The following UPK1A variants were observed in gnomAD, a reference collection of about 807,000 sequenced individuals.
The protein encoded by UPK1A is uroplakin 1A.
Under a neutral mutation model 32.3 loss-of-function variants are expected in UPK1A, and 31 were observed. That is an observed-to-expected ratio of 0.96 (90% CI 0.72 to 1.30). The LOEUF (loss-of-function observed/expected upper bound fraction) is 1.30, where lower values mean the gene tolerates loss of function less well. UPK1A is among the 50% of genes most tolerant of loss of function. The pLI, the probability that UPK1A is intolerant of heterozygous loss-of-function variation, is 0.00. For synonymous variants in UPK1A, 135 were observed against 137.1 expected (o/e 0.98, Z 0.11); for missense variants, 340 against 357.4 (o/e 0.95, Z 0.39).
exon 3 of UPK1A, chr19:35,668,602 C>A: frequency 6.2e-7 from 1 of 1,614,038 alleles, no homozygotes; most frequent in Non-Finnish European, 8.5e-7. Context: ...TTCATGGTAG[C>A]CAGTTTTGGT....
chr19:35,673,396 C>T (rs968720645), intron 4 of UPK1A, 42 bp from the exon 5 acceptor site: 18 of 1,611,328 alleles, frequency 1.1e-5, no homozygotes, highest in South Asian at 2.2e-5. Context: ...CCTCTCTCCC[C>T]ACCCAGCCCT....
chr19:35,668,569 C>T lies in UPK1A; in HGVS notation c.200C>T (p.Ala67Val), dbSNP rs777773643. 3 of 1,614,018 alleles carry T rather than the reference C, an allele frequency of 1.9e-6. No individual in the cohort carries two copies. In the African/African-American group the frequency reaches 4.0e-5, roughly 22 times the overall value. Residue 67 changes from alanine to valine, a missense_variant, in exon 3 of 8, where the codon GCC (alanine) becomes GTC (valine). Coordinates refer to ENST00000617999, the Ensembl canonical transcript of UPK1A. ...GACGTCTTCGCTGGTGCCTGGATTG[C>T]CATCTTCTGCGGCTTCTCCTTCTTC...
chr19:35,668,898 G>A (rs992436968), intron 3 of UPK1A, among the ~76,000 whole-genome samples: 1 of 147,852 alleles, frequency 6.8e-6, no homozygotes, highest in Non-Finnish European at 1.5e-5. Flanking sequence ...TGCCCAGGCT[G>A]GTCTCAAACT....
intron 5 of UPK1A, among the ~76,000 whole-genome samples, chr19:35,674,232 TC>T (rs377521745): frequency 1.4e-5 from 2 of 145,208 alleles, no homozygotes; most frequent in African/African-American, 2.6e-5. Context: ...TTTTTTTTTT[TC>T]TTTTTATCTT....
intron 3 of UPK1A, among the ~76,000 whole-genome samples, chr19:35,668,871 T>C (rs1968044165): frequency 1.4e-5 from 2 of 147,984 alleles, no homozygotes; most frequent in Admixed American, 1.4e-4. Context: ...TTGGTAAAGA[T>C]GGGGGTCTCA....
intron 3 of UPK1A, among the ~76,000 whole-genome samples, chr19:35,668,882 C>T (rs192100775): frequency 6.7e-6 from 1 of 148,938 alleles, no homozygotes; most frequent in Non-Finnish European, 1.5e-5. Context: ...GGGGGTCTCA[C>T]TATGTTGCCC....
chr19:35,668,581 G>A (rs146544718), exon 3 of UPK1A: 1 of 1,614,142 alleles, frequency 6.2e-7, no homozygotes, highest in African/African-American at 1.3e-5. Context: ...ATCTTCTGCG[G>A]CTTCTCCTTC....
chr19:35,673,431 T>A lies in UPK1A; in HGVS notation c.361-7T>A. 1.2e-6 allele frequency: 2 copies of A among 1,613,520 alleles called. No individual in the cohort carries two copies. Among genetic ancestry groups the A allele is most frequent in the Non-Finnish European group, 1.7e-6 (2 of 1,179,776 alleles). ...TGCCGGCCCTTGTTCTTCCCTGTTCTCCTCAGATGGTGTCCAACCCATCCC... is the reference window on the plus strand; with the variant it reads ...TGCCGGCCCTTGTTCTTCCCTGTTCACCTCAGATGGTGTCCAACCCATCCC... On this transcript the variant is annotated splice_region_variant and splice_polypyrimidine_tract_variant and intron_variant, in intron 4 of 7. Transcript: ENST00000617999.
At position 35,666,797 on chromosome 19, in the gene UPK1A, C is replaced by G; in HGVS notation, c.-4-12C>G. 6.2e-7 allele frequency: 1 copy of G among 1,613,862 alleles called. No homozygotes were observed. The highest frequency in any genetic ancestry group is 8.5e-7 in the Non-Finnish European group (1 of 1,179,780). On this transcript the variant is annotated splice_polypyrimidine_tract_variant and intron_variant, in intron 1 of 7. Transcript: ENST00000617999. Reference sequence around the variant, plus strand: ...TTACGCTCCTGGCCTCATCCCTGCTCATGTGTCCCAGGATGATGGCGTCTG... The same window carrying G: ...TTACGCTCCTGGCCTCATCCCTGCTGATGTGTCCCAGGATGATGGCGTCTG...
At chr19:35,667,598 A>G (rs762521321) in intron 2 of UPK1A, among the ~76,000 whole-genome samples, 17 of 151,984 alleles carry the variant, frequency 1.1e-4, no homozygotes, top group Non-Finnish European at 2.2e-4. Context: ...GGCTCCAGCA[A>G]TTCTCCTGCC....
exon 3 of UPK1A, chr19:35,668,638 G>A (rs111275297): frequency 1.2e-5 from 20 of 1,613,148 alleles, no homozygotes; most frequent in African/African-American, 8.0e-5. Flanking sequence ...TGCCGCCGCC[G>A]GTCCATGGTC....
At chr19:35,678,084 G>A (rs183669633) in exon 8 of UPK1A, 18 of 1,497,204 alleles carry the variant, frequency 1.2e-5, no homozygotes, top group African/African-American at 4.1e-5. Context: ...TGCTTCCTCC[G>A]CTGGGCCTGG....
At chr19:35,668,595 A>G (rs1968037724) in exon 3 of UPK1A, 19 of 1,613,844 alleles carry the variant, frequency 1.2e-5, no homozygotes, top group Non-Finnish European at 1.6e-5. Context: ...CTCCTTCTTC[A>G]TGGTAGCCAG....
intron 2 of UPK1A, chr19:35,667,941 C>G (rs1246073762): frequency 4.9e-6 from 1 of 206,128 alleles, no homozygotes; most frequent in African/African-American, 2.4e-5. Flanking sequence ...AGGTGCACAT[C>G]ACCACATCTA....
Position 35,673,226 on chromosome 19 carries a change from C to G in UPK1A, c.286-6C>G, listed in dbSNP as rs747120699. ...CCGACGGGCCGTCCTCCCTCTGTCTCCCCAGTACCTGGTGCTCATGCTCAT... is the reference window on the plus strand; with the variant it reads ...CCGACGGGCCGTCCTCCCTCTGTCTGCCCAGTACCTGGTGCTCATGCTCAT... On this transcript the variant is annotated splice_region_variant and splice_polypyrimidine_tract_variant and intron_variant, in intron 3 of 7. Transcript: ENST00000617999. 6.8e-5 allele frequency: 110 copies of G among 1,613,880 alleles called. No homozygotes were observed. Among genetic ancestry groups the G allele is most frequent in the Non-Finnish European group, 8.7e-5 (103 of 1,180,020 alleles).
At chr19:35,673,508 A>C in exon 5 of UPK1A, 1 of 1,612,358 alleles carries the variant, frequency 6.2e-7, no homozygotes, top group Non-Finnish European at 8.5e-7. Context: ...GACCAGGGCC[A>C]GGAGCTGACC....
intron 6 of UPK1A, among the ~76,000 whole-genome samples, chr19:35,676,494 C>G (rs1243610111): frequency 6.6e-6 from 1 of 151,910 alleles, no homozygotes; most frequent in African/African-American, 2.4e-5. Flanking sequence ...TGGGTCCCCT[C>G]TCTGATTTTC....
Position 35,675,875 on chromosome 19 carries a change from G to A in UPK1A, c.504G>A (p.Trp168Ter), listed in dbSNP as rs1458153069. The change falls in exon 6 of 8, where the codon TGG becomes TGA. Residue 168 changes from tryptophan (W) to a stop codon, truncating the protein, a stop_gained. Transcript: ENST00000617999. LOFTEE classifies it high-confidence loss of function. ...GTGGCACATCTGGTCCCATGGACTG[G>A]GTGAACTTCACGTCAGCCTTCCGGG... 1 of 1,613,924 alleles carries A rather than the reference G, an allele frequency of 6.2e-7. No homozygotes were observed. Among genetic ancestry groups the A allele is most frequent in the Admixed American group, 1.7e-5 (1 of 59,980 alleles).
At chr19:35,678,212 G>T (rs375754756) in exon 8 of UPK1A, 3 of 642,146 alleles carry the variant, frequency 4.7e-6, no homozygotes, top group Non-Finnish European at 7.7e-6. Context: ...AAACCCCAGG[G>T]CTTGTGTGCA....
Sources: gnomAD v4.1 joint callset for allele counts (sites outside exome capture counted in the v4.1 genomes callset) on GRCh38, gnomAD v4.1.1 for gene constraint, MANE v1.5 for transcripts, NCBI Gene and HGNC (gene_info 2026-07-23, HGNC 2026-07-21) for gene names.